The following HMCN1 variants were observed in gnomAD, a reference collection of about 807,000 sequenced individuals.
The protein encoded by HMCN1 is hemicentin 1.
A neutral mutation model predicts 625.9 loss-of-function variants in HMCN1; 321 were observed. That is an observed-to-expected ratio of 0.51 (90% CI 0.47 to 0.56). HMCN1 has a LOEUF of 0.56. HMCN1 is among the 20% of genes least tolerant of loss of function. HMCN1 has a pLI of 0.00. For missense variants in HMCN1, 6,588 were observed against 6,887.3 expected (o/e 0.96, Z 1.54); for synonymous variants, 2,425 against 2,417.6 (o/e 1.00, Z -0.09).
At chr1:185,905,322 T>C (rs1666034517) in intron 4 of HMCN1, among the ~76,000 whole-genome samples, 1 of 151,776 alleles carries the variant, frequency 6.6e-6, no homozygotes, top group South Asian at 2.1e-4. Context: ...TCATGTACTA[T>C]ATTAGGTTCA....
chr1:185,992,531 A>C (rs999791658), intron 22 of HMCN1, among the ~76,000 whole-genome samples: 1 of 152,140 alleles, frequency 6.6e-6, no homozygotes, highest in African/African-American at 2.4e-5. Context: ...TACTTTTTGT[A>C]ATATCACCTC....
chr1:186,185,958 T>C (rs1653275780), intron 105 of HMCN1, among the ~76,000 whole-genome samples: 1 of 152,214 alleles, frequency 6.6e-6, no homozygotes, highest in Admixed American at 6.5e-5. Context: ...ACTTTACTCA[T>C]ACTTTAAAAA....
intron 30 of HMCN1, among the ~76,000 whole-genome samples, chr1:186,008,011 CCTT>C (rs1653753464): frequency 6.6e-6 from 1 of 152,084 alleles, no homozygotes; most frequent in Admixed American, 6.6e-5. Context: ...TAGAATGTCA[CCTT>C]CTCATAGGAT....
At position 185,951,834 on chromosome 1, in the gene HMCN1, G is replaced by A. The variant is rs555033617; in HGVS notation, c.1829-10684G>A. ...TTCAGGCATTTGGAAGTTCTTGTGTGCTGGAGATGTGGCTGGGGTTTGTCT... is the reference window on the plus strand; with the variant it reads ...TTCAGGCATTTGGAAGTTCTTGTGTACTGGAGATGTGGCTGGGGTTTGTCT... On this transcript the variant is annotated intron_variant, in intron 11 of 106. Coordinates refer to ENST00000271588, the MANE Select transcript of HMCN1 (RefSeq NM_031935.3). Among the ~76,000 whole-genome samples, 34 of 152,006 alleles carry A rather than the reference G, an allele frequency of 2.2e-4. 1 individual carries two copies. The East Asian group carries it at 4.4e-3, about 20-fold the overall frequency.
At chr1:186,082,985 T>A in intron 57 of HMCN1, 24 bp downstream of exon 57, 1 of 1,391,098 alleles carries the variant, frequency 7.2e-7, no homozygotes, top group East Asian at 2.3e-5. Flanking sequence ...TCCAAAACCA[T>A]CTGTTAGGGT....
intron 63 of HMCN1, 43 bp from the exon 64 acceptor site, chr1:186,090,715 A>G: frequency 6.2e-7 from 1 of 1,602,482 alleles, no homozygotes; most frequent in Non-Finnish European, 8.5e-7. Context: ...TAGAATTTAT[A>G]TCCTGTGTCT....
chr1:186,156,291 A>G (rs1485167571), intron 97 of HMCN1, among the ~76,000 whole-genome samples: 3 of 152,212 alleles, frequency 2.0e-5, no homozygotes, highest in Non-Finnish European at 4.4e-5. Flanking sequence ...AAATATTTGC[A>G]TCACATGTTA....
chr1:185,924,161 G>T (rs1667144164), intron 8 of HMCN1, among the ~76,000 whole-genome samples: 1 of 143,328 alleles, frequency 7.0e-6, no homozygotes, highest in African/African-American at 2.6e-5. Context: ...TAGCATTTCA[G>T]CTTAGCTGTA....
chr1:185,740,045 C>G (rs764296070), intron 1 of HMCN1, among the ~76,000 whole-genome samples: 3 of 152,030 alleles, frequency 2.0e-5, no homozygotes, highest in Non-Finnish European at 4.4e-5. Context: ...GTGAAAAGAC[C>G]AGAGAGTCTG....
intron 40 of HMCN1, among the ~76,000 whole-genome samples, chr1:186,044,023 G>A (rs1656384462): frequency 6.6e-6 from 1 of 152,136 alleles, no homozygotes; most frequent in Non-Finnish European, 1.5e-5. Flanking sequence ...AAAGTTTGCA[G>A]TGAGCCGAGA....
intron 58 of HMCN1, 121 bp downstream of exon 58, chr1:186,086,528 A>G: frequency 2.0e-6 from 2 of 1,021,948 alleles, no homozygotes; most frequent in South Asian, 1.4e-5. Context: ...TTCACAGTAA[A>G]TGCCTCTCTT....
At chr1:186,129,691 T>G (rs995309892) in intron 83 of HMCN1, among the ~76,000 whole-genome samples, 26 of 152,166 alleles carry the variant, frequency 1.7e-4, no homozygotes, top group Non-Finnish European at 3.2e-4. Context: ...CGCATTTAGA[T>G]GAAAGGTTTA....
intron 97 of HMCN1, among the ~76,000 whole-genome samples, chr1:186,158,793 A>G (rs932122726): frequency 7.9e-5 from 12 of 152,020 alleles, no homozygotes; most frequent in Non-Finnish European, 1.3e-4. Flanking sequence ...CCATTGATCT[A>G]TATCTCTGTT....
chr1:186,170,395 C>T (rs1652150053), intron 100 of HMCN1, among the ~76,000 whole-genome samples: 1 of 152,164 alleles, frequency 6.6e-6, no homozygotes, highest in Admixed American at 6.5e-5. Flanking sequence ...GTGGCGATTG[C>T]TCAAGGATCT....
At chr1:185,747,794 G>A (rs1233531988) in intron 1 of HMCN1, among the ~76,000 whole-genome samples, 1 of 152,084 alleles carries the variant, frequency 6.6e-6, no homozygotes, top group Non-Finnish European at 1.5e-5. Context: ...TCTTCAAAAC[G>A]TTAAACACTA....
Position 186,016,077 on chromosome 1 carries a change from A to C in HMCN1, c.5029A>C (p.Lys1677Gln). ...CCCTTCTCCCATTCTCACCTGGTTG[A>C]AAGATGGTGTACCTGTGAAAGCTAA... ...GNPSPILTWL[K>Q]DGVPVKANDN... The change falls in exon 32 of 107, where the codon AAA becomes CAA. Residue 1677 changes from lysine to glutamine, a missense_variant. Around this residue, in one of 3 missense-constraint regions of HMCN1, gnomAD observed 4,628 missense variants for 4,853.1 expected, o/e 0.95. Coordinates refer to ENST00000271588, the MANE Select transcript of HMCN1 (RefSeq NM_031935.3). 2 of 1,613,556 alleles carry C rather than the reference A, an allele frequency of 1.2e-6. No individual in the cohort carries two copies. The highest frequency in any genetic ancestry group is 1.7e-4 in the Middle Eastern group (1 of 6,060).
At chr1:186,046,991 A>G (rs1411055230) in intron 41 of HMCN1, among the ~76,000 whole-genome samples, 1 of 152,156 alleles carries the variant, frequency 6.6e-6, no homozygotes, top group Admixed American at 6.6e-5. Context: ...AACCCATGCT[A>G]CTAACCACCA....
chr1:185,917,454 G>A (rs1029294942), intron 6 of HMCN1, among the ~76,000 whole-genome samples: 2 of 152,098 alleles, frequency 1.3e-5, no homozygotes, highest in African/African-American at 4.8e-5. Flanking sequence ...CTGTTTCTTT[G>A]TAGTGCCATA....
At chr1:185,887,210 A>G (rs1664714750) in intron 4 of HMCN1, among the ~76,000 whole-genome samples, 3 of 152,142 alleles carry the variant, frequency 2.0e-5, no homozygotes, top group Non-Finnish European at 2.9e-5. Context: ...CTATTTCTTC[A>G]GAAAATATGT....
Sources: allele counts gnomAD v4.1 joint callset (sites outside exome capture counted in the v4.1 genomes callset), GRCh38; gene constraint gnomAD v4.1.1; regional missense constraint gnomAD v4.1.1; transcripts MANE v1.5; gene names NCBI Gene and HGNC (gene_info 2026-07-23, HGNC 2026-07-21).